PTPRD: variants seen among roughly 807,000 people sequenced by gnomAD.
PTPRD encodes the protein receptor-type tyrosine-protein phosphatase delta.
Under a neutral mutation model 214.5 loss-of-function variants are expected in PTPRD, and 34 were observed. The ratio of observed to expected loss-of-function variants is 0.16; its 90% CI spans 0.12 to 0.21. The LOEUF is 0.21. Ranked by LOEUF, PTPRD falls within the 10% of genes least tolerant of loss-of-function variation. PTPRD has a pLI of 1.00. For synonymous variants in PTPRD, 1,128 were observed against 845.7 expected (o/e 1.33, Z -5.79); for missense variants, 2,545 against 2,398.7 (o/e 1.06, Z -1.27).
intron 10 of PTPRD, among the ~76,000 whole-genome samples, chr9:9,041,374 C>T (rs191309500): frequency 7.0e-4 from 107 of 152,212 alleles, no homozygotes; most frequent in Non-Finnish European, 3.4e-4. Context: ...CCACCCTCCA[C>T]GCTCTGATAG....
At chr9:9,480,469 T>C (rs1159049009) in intron 8 of PTPRD, among the ~76,000 whole-genome samples, 9 of 152,168 alleles carry the variant, frequency 5.9e-5, no homozygotes, top group Non-Finnish European at 1.3e-4. Flanking sequence ...TTCAAGAAGT[T>C]ATATGCAAGG....
chr9:10,310,148 G>C (rs1467470600), intron 3 of PTPRD, among the ~76,000 whole-genome samples: 1 of 151,974 alleles, frequency 6.6e-6, no homozygotes, highest in African/African-American at 2.4e-5. Flanking sequence ...AATCATGTAA[G>C]AATAGTGTAA....
chr9:9,144,620 G>A (rs923317764), intron 10 of PTPRD, among the ~76,000 whole-genome samples: 2 of 151,996 alleles, frequency 1.3e-5, no homozygotes, highest in African/African-American at 4.8e-5. Context: ...GGGTGTGGTG[G>A]CACGCGCCTG....
chr9:9,433,992 A>G (rs1388102909), intron 8 of PTPRD, among the ~76,000 whole-genome samples: 2 of 152,198 alleles, frequency 1.3e-5, no homozygotes, highest in African/African-American at 4.8e-5. Flanking sequence ...AATCATTAAA[A>G]TAATTTGCCT....
chr9:10,025,611 C>T (rs2154124151), intron 4 of PTPRD, among the ~76,000 whole-genome samples: 1 of 152,248 alleles, frequency 6.6e-6, no homozygotes, highest in Admixed American at 6.5e-5. Context: ...TGGCTGAGCA[C>T]ATTTCAAATA....
intron 2 of PTPRD, among the ~76,000 whole-genome samples, chr9:10,354,868 A>T (rs151212487): frequency 6.6e-6 from 1 of 152,186 alleles, no homozygotes; most frequent in Non-Finnish European, 1.5e-5. Flanking sequence ...TGTCTAGTAC[A>T]TATCATAATT....
intron 5 of PTPRD, among the ~76,000 whole-genome samples, chr9:9,797,460 C>T (rs1410895348): frequency 6.6e-6 from 1 of 151,600 alleles, no homozygotes. Flanking sequence ...AGGAAAACAT[C>T]AAAGATAATA....
intron 14 of PTPRD, among the ~76,000 whole-genome samples, chr9:8,544,796 C>T (rs1044977431): frequency 7.9e-5 from 12 of 151,598 alleles, no homozygotes; most frequent in South Asian, 4.2e-4. Context: ...GGTAAAACAG[C>T]GGTTGCTTTT....
chr9:10,136,644 G>T (rs369517096), intron 3 of PTPRD, among the ~76,000 whole-genome samples: 1 of 85,740 alleles, frequency 1.2e-5, no homozygotes, highest in East Asian at 3.9e-4. Context: ...GCGTGGGCAA[G>T]GACTTCATGT....
At chr9:10,246,982 G>C (rs1023581679) in intron 3 of PTPRD, among the ~76,000 whole-genome samples, 3 of 151,948 alleles carry the variant, frequency 2.0e-5, no homozygotes. Flanking sequence ...AATACTGGTA[G>C]ATTTACTGTG....
At chr9:9,609,921 C>A (rs930766763) in intron 7 of PTPRD, among the ~76,000 whole-genome samples, 1 of 152,162 alleles carries the variant, frequency 6.6e-6, no homozygotes, top group Non-Finnish European at 1.5e-5. Context: ...AACATTTAGG[C>A]TAATACTCCT....
intron 10 of PTPRD, among the ~76,000 whole-genome samples, chr9:9,066,156 A>G (rs1310121924): frequency 6.6e-6 from 1 of 152,130 alleles, no homozygotes; most frequent in African/African-American, 2.4e-5. Context: ...GTGTACTAAA[A>G]TTTTGATATT....
intron 12 of PTPRD, among the ~76,000 whole-genome samples, chr9:8,693,584 G>C (rs1242587078): frequency 2.6e-5 from 4 of 152,138 alleles, no homozygotes; most frequent in Non-Finnish European, 5.9e-5. Flanking sequence ...TATTCTACGA[G>C]GGGTGTACAT....
At chr9:10,418,199 C>T (rs935151266) in intron 2 of PTPRD, among the ~76,000 whole-genome samples, 1 of 151,720 alleles carries the variant, frequency 6.6e-6, no homozygotes, top group African/African-American at 2.4e-5. Flanking sequence ...CTGACAAAAG[C>T]ATTCAATCTA....
At chr9:10,461,096 A>G (rs2098955050) in intron 2 of PTPRD, among the ~76,000 whole-genome samples, 1 of 152,042 alleles carries the variant, frequency 6.6e-6, no homozygotes, top group Admixed American at 6.6e-5. Context: ...TCGAATAGAC[A>G]TTTCTCCAAA....
intron 9 of PTPRD, among the ~76,000 whole-genome samples, chr9:9,389,263 C>T (rs2064980168): frequency 6.6e-6 from 1 of 152,178 alleles, no homozygotes; most frequent in African/African-American, 2.4e-5. Flanking sequence ...GTAATTCCAC[C>T]ACCTTGGGAG....
intron 41 of PTPRD, among the ~76,000 whole-genome samples, chr9:8,340,695 A>G (rs1000690153): frequency 2.0e-5 from 3 of 152,140 alleles, no homozygotes; most frequent in African/African-American, 7.2e-5. Context: ...TGTCTTTATC[A>G]TTATTATTTG....
At chr9:10,139,036 G>T (rs1027319324) in intron 3 of PTPRD, among the ~76,000 whole-genome samples, 1 of 151,934 alleles carries the variant, frequency 6.6e-6, no homozygotes, top group African/African-American at 2.4e-5. Flanking sequence ...GGAAGTCCTA[G>T]CCAGAGAAAT....
At chr9:9,107,185 G>C (rs932848612) in intron 10 of PTPRD, among the ~76,000 whole-genome samples, 1 of 152,058 alleles carries the variant, frequency 6.6e-6, no homozygotes, top group Non-Finnish European at 1.5e-5. Context: ...TAGGTGGCCT[G>C]TATCTTTTAG....
Sources: allele counts gnomAD v4.1 joint callset (sites outside exome capture counted in the v4.1 genomes callset), GRCh38; gene constraint gnomAD v4.1.1; transcripts MANE v1.5; gene names NCBI Gene and HGNC (gene_info 2026-07-23, HGNC 2026-07-21).